Variants in GABRG3 observed in about 807,000 individuals in gnomAD.
GABRG3 encodes gamma-aminobutyric acid type A receptor subunit gamma3.
In GABRG3, 25 loss-of-function variants were observed where a neutral mutation model predicts 48.8. The observed-to-expected ratio is 0.51, with a 90% CI of 0.37 to 0.72. The LOEUF (loss-of-function observed/expected upper bound fraction) is 0.72, where lower values mean the gene tolerates loss of function less well. Ranked by LOEUF, GABRG3 falls within the 30% of genes least tolerant of loss-of-function variation. GABRG3 has a pLI of 0.00. For missense variants in GABRG3, 394 were observed against 577.9 expected (o/e 0.68, Z 3.26); for synonymous variants, 227 against 217.6 (o/e 1.04, Z -0.38).
At chr15:27,341,399 TAAA>T (rs1894172860) in intron 5 of GABRG3, among the ~76,000 whole-genome samples, 1 of 152,136 alleles carries the variant, frequency 6.6e-6, no homozygotes, top group Non-Finnish European at 1.5e-5. Context: ...TTATAAACTT[TAAA>T]AATCAAACTT....
chr15:27,044,178 C>G (rs1427469527), intron 3 of GABRG3, among the ~76,000 whole-genome samples: 1 of 152,148 alleles, frequency 6.6e-6, no homozygotes, highest in Non-Finnish European at 1.5e-5. Context: ...TCACTAGGCC[C>G]AGCCCTCGTG....
intron 3 of GABRG3, among the ~76,000 whole-genome samples, chr15:27,206,354 G>A (rs1412954713): frequency 6.6e-6 from 1 of 152,068 alleles, no homozygotes; most frequent in African/African-American, 2.4e-5. Flanking sequence ...CCATCTAATG[G>A]TATGGTTTTG....
intron 3 of GABRG3, among the ~76,000 whole-genome samples, chr15:27,320,635 A>T (rs1455360117): frequency 6.6e-6 from 1 of 152,170 alleles, no homozygotes; most frequent in Non-Finnish European, 1.5e-5. Context: ...GCTCCTAAAA[A>T]ATAATGTTAT....
At chr15:27,492,333 G>A (rs775147775) in intron 6 of GABRG3, among the ~76,000 whole-genome samples, 2 of 152,182 alleles carry the variant, frequency 1.3e-5, no homozygotes, top group Non-Finnish European at 2.9e-5. Context: ...AGCATAAAAA[G>A]CATGCTTTGG....
intron 3 of GABRG3, among the ~76,000 whole-genome samples, chr15:27,044,803 C>G (rs539975002): frequency 6.6e-6 from 1 of 152,306 alleles, no homozygotes; most frequent in South Asian, 2.1e-4. Context: ...CTTATTTGAA[C>G]CTGGTTTAAC....
chr15:27,433,047 A>G (rs557523705), intron 5 of GABRG3, among the ~76,000 whole-genome samples: 1 of 152,294 alleles, frequency 6.6e-6, no homozygotes, highest in South Asian at 2.1e-4. Flanking sequence ...CTCCAAGATG[A>G]TGTAGATTTT....
rs552709077 is a variant in GABRG3 at position 26,974,573 on chromosome 15, G to A, written c.54-2429G>A. 1.3e-4 allele frequency among the ~76,000 whole-genome samples: 19 copies of A among 151,972 alleles called. No homozygotes were observed. The highest frequency in any genetic ancestry group is 4.2e-4 in the South Asian group (2 of 4,794). The stretch of plus-strand genomic sequence containing the variant: ...AGACCCCCTCACAGTGCCCAAGACA[G>A]AGACAGCAGAGGGAGGGAGGAAGGC... On this transcript the variant is annotated intron_variant, in intron 1 of 9. Coordinates refer to ENST00000615808, the MANE Select transcript of GABRG3 (RefSeq NM_033223.5). This position sits in a 1 kb window ranked among gnomAD's most constrained non-coding sequence, Gnocchi z 4.3.
At chr15:27,477,705 T>C (rs1244549770) in intron 5 of GABRG3, among the ~76,000 whole-genome samples, 1 of 152,126 alleles carries the variant, frequency 6.6e-6, no homozygotes, top group African/African-American at 2.4e-5. Flanking sequence ...CCACTCAGTT[T>C]TGCTGTGAAC....
intron 3 of GABRG3, among the ~76,000 whole-genome samples, chr15:27,038,883 G>A (rs1191432435): frequency 6.6e-6 from 1 of 152,232 alleles, no homozygotes; most frequent in Non-Finnish European, 1.5e-5. Context: ...AGGGAAAGGT[G>A]TGCCACTCTC....
chr15:27,350,093 T>C (rs1455235765), intron 5 of GABRG3: 1 of 456,060 alleles, frequency 2.2e-6, no homozygotes, highest in South Asian at 1.5e-5. Flanking sequence ...ATTGTCACTC[T>C]TATCACGTTT....
chr15:27,076,877 G>A (rs1270014284), intron 3 of GABRG3, among the ~76,000 whole-genome samples: 1 of 152,192 alleles, frequency 6.6e-6, no homozygotes, highest in Non-Finnish European at 1.5e-5. Context: ...CCAGAGCTGT[G>A]AGAGAAAAAC....
At chr15:27,070,923 G>A (rs1896816284) in intron 3 of GABRG3, among the ~76,000 whole-genome samples, 1 of 152,190 alleles carries the variant, frequency 6.6e-6, no homozygotes. Context: ...GCTCCGCTTT[G>A]CAGGTGCAGA....
chr15:27,445,025 C>A (rs1382081961), intron 5 of GABRG3, among the ~76,000 whole-genome samples: 2 of 152,114 alleles, frequency 1.3e-5, no homozygotes, highest in African/African-American at 4.8e-5. Context: ...GCGCCTGCCA[C>A]CATGCCTGGC....
intron 3 of GABRG3, among the ~76,000 whole-genome samples, chr15:27,291,835 T>C (rs968364207): frequency 3.3e-5 from 5 of 152,208 alleles, no homozygotes; most frequent in Non-Finnish European, 7.3e-5. Context: ...CTAGTGTTTT[T>C]CTTCTATGTT....
chr15:27,100,217 CAAA>C lies in GABRG3; in HGVS notation c.270+73414_270+73416del, dbSNP rs36148252. On this transcript the variant is annotated intron_variant, in intron 3 of 9. Transcript: ENST00000615808. ...TGGGTGACAGAGCAAGACCCTGTCT[CAAA>C]AAAAAAAAAAAAAAAAATCAGAATT... 8.2e-3 allele frequency among the ~76,000 whole-genome samples: 1,073 copies of C among 130,876 alleles called. 10 individuals are homozygous for C. Among genetic ancestry groups the C allele is most frequent in the African/African-American group, 0.026 (949 of 36,766 alleles). The allele number at this position is 130,876 out of a possible 152,430, so 85.9% of individuals were successfully genotyped here.
chr15:27,216,661 A>C (rs1889255442), intron 3 of GABRG3, among the ~76,000 whole-genome samples: 1 of 152,046 alleles, frequency 6.6e-6, no homozygotes, highest in Admixed American at 6.6e-5. Flanking sequence ...TGCTGTGATG[A>C]ATGCCTTTTC....
At position 27,535,668 on chromosome 15, in the gene GABRG3, G is replaced by C. The variant is rs1362143293; in HGVS notation, c.*2787G>C. 1 of 152,240 alleles carries C rather than the reference G, an allele frequency of 6.6e-6. No individual in the cohort carries two copies. The highest frequency in any genetic ancestry group is 1.5e-5 in the Non-Finnish European group (1 of 68,044). The allele number at this position is 152,240 out of a possible 1,614,324, so 9.4% of individuals were successfully genotyped here. On this transcript the variant is annotated 3_prime_UTR_variant, in exon 10 of 10. Transcript: ENST00000615808. Reference sequence around the variant, plus strand: ...CCCCCTAAGAGCATGTCCATGCCGGGTTCTCCGCAGGCTTGCATAATTCAA... The same window carrying C: ...CCCCCTAAGAGCATGTCCATGCCGGCTTCTCCGCAGGCTTGCATAATTCAA...
intron 2 of GABRG3, among the ~76,000 whole-genome samples, chr15:27,022,682 A>G (rs1277018699): frequency 6.6e-6 from 1 of 152,172 alleles, no homozygotes; most frequent in Non-Finnish European, 1.5e-5. Context: ...ACGTGGCTCT[A>G]GGTGCATCCA....
intron 5 of GABRG3, among the ~76,000 whole-genome samples, chr15:27,454,128 G>A (rs964507746): frequency 1.8e-4 from 27 of 152,140 alleles, no homozygotes; most frequent in African/African-American, 6.0e-4. Flanking sequence ...GGTCAATTTG[G>A]GGTTGTACCT....
Sources: gnomAD v4.1 joint callset for allele counts (sites outside exome capture counted in the v4.1 genomes callset) on GRCh38, gnomAD v4.1.1 for gene constraint, Gnocchi (gnomAD v3.1) non-coding constraint, MANE v1.5 for transcripts, NCBI Gene and HGNC (gene_info 2026-07-23, HGNC 2026-07-21) for gene names.